LRRC49: variants seen among roughly 807,000 people sequenced by gnomAD.
The protein encoded by LRRC49 is leucine-rich repeat-containing protein 49.
In LRRC49, 50 loss-of-function variants were observed where a neutral mutation model predicts 83.3. The observed-to-expected ratio is 0.60, with a 90% CI of 0.48 to 0.76. The LOEUF (loss-of-function observed/expected upper bound fraction) is 0.76. LRRC49 is among the 30% of genes least tolerant of loss of function. LRRC49 has a pLI of 0.00. For synonymous variants in LRRC49, 286 were observed against 283.3 expected (o/e 1.01, Z -0.10); for missense variants, 704 against 809.1 (o/e 0.87, Z 1.58).
chr15:70,865,989 A>G (rs1015768974), intron 1 of LRRC49, among the ~76,000 whole-genome samples: 6 of 152,182 alleles, frequency 3.9e-5, no homozygotes, highest in Admixed American at 1.3e-4. Flanking sequence ...AATATGCATC[A>G]TATTTTTGAC....
chr15:70,884,077 A>T (rs2033338939), intron 2 of LRRC49, among the ~76,000 whole-genome samples: 1 of 152,200 alleles, frequency 6.6e-6, no homozygotes, highest in Admixed American at 6.5e-5. Flanking sequence ...GTAAGAAAAG[A>T]TATCTGGAAA....
chr15:70,889,450 A>G (rs1159010994), upstream of LRRC49, among the ~76,000 whole-genome samples: 2 of 152,052 alleles, frequency 1.3e-5, no homozygotes, highest in Admixed American at 1.3e-4. Flanking sequence ...GGTGCTAGCA[A>G]TGTTCTGTTT....
intron 8 of LRRC49, among the ~76,000 whole-genome samples, chr15:70,956,131 T>C (rs1336691580): frequency 6.6e-6 from 1 of 152,216 alleles, no homozygotes; most frequent in Non-Finnish European, 1.5e-5. Flanking sequence ...AATTTCTAAT[T>C]GGAGAAATTT....
intron 3 of LRRC49, chr15:70,900,120 C>T (rs2034007630): frequency 5.9e-6 from 1 of 168,476 alleles, no homozygotes; most frequent in African/African-American, 2.4e-5. Context: ...TGCAAACTTA[C>T]AAATAGGTAT....
At chr15:71,037,428 CT>C in intron 15 of LRRC49, 96 bp downstream of exon 15, 1 of 1,020,582 alleles carries the variant, frequency 9.8e-7, no homozygotes, top group Non-Finnish European at 1.4e-6. Flanking sequence ...GTTAAGATAA[CT>C]TTTTTGTTCT....
Position 71,009,901 on chromosome 15 carries a change from A to C in LRRC49, c.1502A>C (p.Gln501Pro). 1 of 1,611,978 alleles carries C rather than the reference A, an allele frequency of 6.2e-7. No homozygotes were observed. Among genetic ancestry groups the C allele is most frequent in the Admixed American group, 1.7e-5 (1 of 59,928 alleles). ...ATTGACCAGTTGACAATTGATCCTCAAGGAAATCCAGTTGTCAATTTTACA... is the reference window on the plus strand; with the variant it reads ...ATTGACCAGTTGACAATTGATCCTCCAGGAAATCCAGTTGTCAATTTTACA... The part of the protein sequence containing the change: ...RRIDQLTIDP[Q>P]GNPVVNFTLW... The change falls in exon 13 of 16, where the codon CAA (glutamine) becomes CCA (proline). Residue 501 changes from glutamine to proline, a missense_variant. Transcript: ENST00000260382.
chr15:71,049,045 A>G (rs1347311882), intron 15 of LRRC49, among the ~76,000 whole-genome samples: 3 of 152,196 alleles, frequency 2.0e-5, no homozygotes, highest in Admixed American at 2.0e-4. Context: ...CTGTATCCTG[A>G]TACATTTACC....
At chr15:71,006,940 T>A (rs573325080) in intron 11 of LRRC49, among the ~76,000 whole-genome samples, 13 of 152,200 alleles carry the variant, frequency 8.5e-5, no homozygotes, top group Admixed American at 8.5e-4. Context: ...AGTTAGTTTT[T>A]CCTATTATCA....
upstream of LRRC49, among the ~76,000 whole-genome samples, chr15:70,890,693 T>C (rs2033531722): frequency 6.6e-6 from 1 of 152,188 alleles, no homozygotes; most frequent in Non-Finnish European, 1.5e-5. Flanking sequence ...GATGTTTAGC[T>C]GATTTTTAAG....
intron 2 of LRRC49, chr15:70,882,766 C>T (rs2141084590): frequency 6.2e-7 from 1 of 1,614,144 alleles, no homozygotes; most frequent in East Asian, 2.2e-5. Flanking sequence ...CATACCCACA[C>T]TACGGTGACG....
At chr15:70,861,736 C>A (rs1362951273) in intron 1 of LRRC49, among the ~76,000 whole-genome samples, 3 of 152,146 alleles carry the variant, frequency 2.0e-5, no homozygotes, top group African/African-American at 7.2e-5. Flanking sequence ...GTTTATCAAA[C>A]TGATGAGGAA....
At chr15:70,966,344 T>C (rs796497402) in intron 9 of LRRC49, among the ~76,000 whole-genome samples, 11 of 152,250 alleles carry the variant, frequency 7.2e-5, no homozygotes, top group African/African-American at 2.6e-4. Context: ...TCTCTGAGAC[T>C]GTGGGCAAAT....
chr15:70,898,677 A>C (rs2033939965), intron 3 of LRRC49, among the ~76,000 whole-genome samples: 1 of 151,996 alleles, frequency 6.6e-6, no homozygotes, highest in African/African-American at 2.4e-5. Flanking sequence ...CAGGTATTCG[A>C]GAGGCTGAGG....
intron 9 of LRRC49, among the ~76,000 whole-genome samples, chr15:70,966,098 C>T (rs2036784709): frequency 6.6e-6 from 1 of 152,118 alleles, no homozygotes; most frequent in African/African-American, 2.4e-5. Context: ...TATTTATTAT[C>T]TGGCTGAAAA....
At chr15:70,883,243 G>T (rs1434548582) in intron 2 of LRRC49, among the ~76,000 whole-genome samples, 1 of 151,336 alleles carries the variant, frequency 6.6e-6, no homozygotes, top group Non-Finnish European at 1.5e-5. Context: ...CCAAGCTGGA[G>T]CGCAATGGTG....
At chr15:70,929,474 G>A (rs907023970) in intron 7 of LRRC49, among the ~76,000 whole-genome samples, 1 of 152,280 alleles carries the variant, frequency 6.6e-6, no homozygotes, top group African/African-American at 2.4e-5. Context: ...CTTTTTGCTG[G>A]TGGAGGGAGG....
chr15:70,911,619 TTC>T, intron 6 of LRRC49, 21 bp downstream of exon 6: 1 of 1,447,260 alleles, frequency 6.9e-7, no homozygotes, highest in Non-Finnish European at 9.3e-7. Flanking sequence ...GCCCTTTCAT[TTC>T]TTTCTTTTTT....
chr15:70,853,959 C>G lies in LRRC49; in HGVS notation c.-299+490C>G. 2 of 1,454,150 alleles carry G rather than the reference C, an allele frequency of 1.4e-6. No homozygotes were observed. The highest frequency in any genetic ancestry group is 3.1e-5 in the East Asian group (1 of 32,568). The allele number at this position is 1,454,150 out of a possible 1,614,324, so 90.1% of individuals were successfully genotyped here. A position where few individuals can be genotyped will look rare whatever the true frequency, so the allele number is the denominator to read the frequency against. On this transcript the variant is annotated intron_variant, in intron 1 of 16. Coordinates refer to the LRRC49 transcript ENST00000544974. The stretch of plus-strand genomic sequence containing the variant: ...GGGCTGAGGTACCGGGCCGGGTCCC[C>G]GGCGCCCCGAGTCTCCGCCCCCTCC...
intron 11 of LRRC49, among the ~76,000 whole-genome samples, chr15:70,993,598 C>T (rs535654566): frequency 3.5e-4 from 53 of 152,060 alleles, no homozygotes; most frequent in Non-Finnish European, 7.2e-4. Flanking sequence ...TTATATAGCC[C>T]TAGAGCTATA....
Sources: allele counts gnomAD v4.1 joint callset (sites outside exome capture counted in the v4.1 genomes callset), GRCh38; gene constraint gnomAD v4.1.1; transcripts MANE v1.5; gene names NCBI Gene and HGNC (gene_info 2026-07-23, HGNC 2026-07-21).